The following MYH1 variants were observed in gnomAD, a reference collection of about 807,000 sequenced individuals.
MYH1 encodes the protein myosin heavy chain 1, also known as myosin-1.
MYH1 carries 214 observed loss-of-function variants against 225.6 expected under a neutral mutation model. That is an observed-to-expected ratio of 0.95 (90% confidence interval 0.85 to 1.06). The LOEUF is 1.06. Ranked by LOEUF, MYH1 falls within the 50% of genes least tolerant of loss-of-function variation. The pLI, the probability that MYH1 is intolerant of heterozygous loss-of-function variation, is 0.00. For synonymous variants in MYH1, 774 were observed against 842.3 expected, an observed-to-expected ratio of 0.92 and a Z score of 1.40; for missense variants, 2,098 against 2,344.2, an observed-to-expected ratio of 0.89 and a Z score of 2.17.
rs1567714328 is a variant in MYH1 at position 10,495,009 on chromosome 17, G to A, written c.5388C>T (p.Asp1796=). The change falls in exon 37 of 40, where the codon GAC becomes GAT. Residue 1796 remains aspartate (D), a synonymous_variant. Transcript: ENST00000226207. ...CAGCCTCATCCAGACGATGCTGCAG[G>A]TCCTTCACCGTCTGTTCCAGGTTCT... ...MKKNLEQTVK[D]LQHRLDEAEQ... 1 of 1,614,182 alleles carries A rather than the reference G, an allele frequency of 6.2e-7. No homozygotes were observed. The highest frequency in any genetic ancestry group is 2.2e-5 in the East Asian group (1 of 44,886).
chr17:10,509,799 G>T, intron 14 of MYH1, 144 bp from the exon 15 acceptor site: 1 of 1,407,346 alleles, frequency 7.1e-7, no homozygotes, highest in Non-Finnish European at 9.7e-7. Flanking sequence ...AGTTTTTGCT[G>T]CTGTTAGCAT....
intron 33 of MYH1, 54 bp downstream of exon 33, chr17:10,497,015 A>T: frequency 1.3e-6 from 2 of 1,576,642 alleles, no homozygotes; most frequent in Non-Finnish European, 1.7e-6. Flanking sequence ...CCTTACATTT[A>T]ATAGACCCCA....
At chr17:10,516,905 T>C (rs1340138250) in intron 2 of MYH1, among the ~76,000 whole-genome samples, 3 of 152,244 alleles carry the variant, frequency 2.0e-5, no homozygotes, top group Non-Finnish European at 4.4e-5. Context: ...TGTTTCTGGC[T>C]CACCTATTGC....
chr17:10,505,249 C>G lies in MYH1; in HGVS notation c.2349G>C (p.Glu783Asp), dbSNP rs544727463. 8 of 1,614,236 alleles carry G rather than the reference C, an allele frequency of 5.0e-6. No individual in the cohort carries two copies. In the East Asian group the frequency reaches 8.9e-5, roughly 18 times the overall value. ...TTCGGGTAATCAGCTGGGCCAGCTT[C>G]TCATCTCGCATCTCCTCTAGGAGCC... ...LLGLLEEMRD[E>D]KLAQLITRTQ... is the part of the protein sequence containing the mutation. The change falls in exon 21 of 40, where the codon GAG becomes GAC. Residue 783 changes from glutamate (E) to aspartate (D), a missense_variant. Transcript: ENST00000226207.
At chr17:10,511,732 T>A in intron 14 of MYH1, 107 bp downstream of exon 14, 1 of 1,558,060 alleles carries the variant, frequency 6.4e-7, no homozygotes, top group Non-Finnish European at 8.8e-7. Flanking sequence ...AAAGTGCAGC[T>A]ATTTTTCATA....
Position 10,501,177 on chromosome 17 carries a change from T to C in MYH1, c.3671A>G (p.Glu1224Gly), listed in dbSNP as rs765644845. Residue 1224 changes from glutamate (E) to glycine (G), a missense_variant, in exon 27 of 40, where the codon GAG (glutamate) becomes GGG (glycine). By Grantham distance (98) the Glu-to-Gly change is moderately conservative. Coordinates refer to ENST00000226207, the MANE Select transcript of MYH1 (RefSeq NM_005963.4). Reference sequence around the variant, plus strand: ...GATCTCCATCTTCATCTCACTCTTCTCCTTCTCCAGCTTCTGCTTCACTCG... The same window carrying C: ...GATCTCCATCTTCATCTCACTCTTCCCCTTCTCCAGCTTCTGCTTCACTCG... ...LQRVKQKLEK[E>G]KSEMKMEIDD... 5.0e-6 allele frequency: 8 copies of C among 1,614,108 alleles called. No homozygotes were observed. Among genetic ancestry groups the C allele is most frequent in the Middle Eastern group, 1.7e-4 (1 of 6,060 alleles).
chr17:10,498,839 T>A lies in MYH1; in HGVS notation c.3985-17A>T, dbSNP rs1215627866. 1.2e-6 allele frequency: 2 copies of A among 1,613,382 alleles called. No individual in the cohort carries two copies. The highest frequency in any genetic ancestry group is 1.7e-6 in the Non-Finnish European group (2 of 1,179,738). ...ACTCTTGGCCTGAGAACATAGAGAT[T>A]GATGACTTAATTTTATATATTTAAA... is the stretch of plus-strand genomic sequence containing the variant. On this transcript the variant is annotated splice_polypyrimidine_tract_variant and intron_variant, in intron 29 of 39. Transcript: ENST00000226207.
rs186198269 is a variant in MYH1 at position 10,496,203 on chromosome 17, C to A, written c.4965+38G>T. 5.5e-3 allele frequency: 8,934 copies of A among 1,614,114 alleles called. 35 individuals are homozygous for A. Among genetic ancestry groups the A allele is most frequent in the Non-Finnish European group, 6.4e-3 (7,578 of 1,180,002 alleles). ...CACCATGTATTCAGGGTTGCAGGCA[C>A]CCCAATTGTCCTGGGATCATCTGTT... is the stretch of plus-strand genomic sequence containing the variant. On this transcript the variant is annotated intron_variant, in intron 34 of 39. Transcript: ENST00000226207.
rs746702124 is a variant in MYH1 at position 10,501,362 on chromosome 17, T to G, written c.3486A>C (p.Ser1162=). The stretch of plus-strand genomic sequence containing the variant: ...GCTTCTTGTTCATCTCAATCTGGGC[T>G]GAGGTGGCCCCACCGGCTTCTTCCA... ...ERLEEAGGAT[S]AQIEMNKKRE... The change falls in exon 27 of 40, where the codon TCA becomes TCC. Residue 1162 remains serine, a synonymous_variant. Coordinates refer to ENST00000226207, the MANE Select transcript of MYH1 (RefSeq NM_005963.4). The G allele has an allele frequency of 1.2e-6, 2 of 1,614,138 alleles. No individual in the cohort carries two copies. The highest frequency in any genetic ancestry group is 2.7e-5 in the African/African-American group (2 of 75,062).
intron 6 of MYH1, 93 bp from the exon 7 acceptor site, chr17:10,514,217 C>A (rs1347158292): frequency 4.3e-6 from 6 of 1,399,072 alleles, no homozygotes; most frequent in Admixed American, 2.0e-5. Flanking sequence ...TATTAGAGAG[C>A]CTTTTACATC....
At position 10,516,568 on chromosome 17, in the gene MYH1, A is replaced by G; in HGVS notation, c.75T>C (p.Ile25=). 1.2e-6 allele frequency: 2 copies of G among 1,614,148 alleles called. No homozygotes were observed. Among genetic ancestry groups the G allele is most frequent in the South Asian group, 2.2e-5 (2 of 91,082 alleles). The stretch of plus-strand genomic sequence containing the variant: ...CATCAAAAGGCTTGTTCTGGGCTTC[A>G]ATTCGCTCCCTTTCAGACTTTCGGA... ...PFLRKSERER[I]EAQNKPFDAK... Residue 25 remains isoleucine, a synonymous_variant, in exon 3 of 40, where the codon ATT becomes ATC. Coordinates refer to ENST00000226207, the MANE Select transcript of MYH1 (RefSeq NM_005963.4).
In MYH1 at chr17:10,495,106, T is replaced by A. The variant is rs1267415921; in HGVS notation, c.5296-5A>T. The A allele has an allele frequency of 1.2e-6, 2 of 1,614,182 alleles. No individual in the cohort carries two copies. Among genetic ancestry groups the A allele is most frequent in the Non-Finnish European group, 1.7e-6 (2 of 1,180,038 alleles). On this transcript the variant is annotated splice_region_variant and splice_polypyrimidine_tract_variant and intron_variant, in intron 36 of 39. Coordinates refer to ENST00000226207, the MANE Select transcript of MYH1 (RefSeq NM_005963.4). ...CTCCTCAGCCATCATGGCAGCCTAA[T>A]TAGCAGTAAAACAGAATGGGTTAAG...
In MYH1 at chr17:10,497,343, T is replaced by C. The variant is rs1328597592; in HGVS notation, c.4475A>G (p.Tyr1492Cys). The C allele has an allele frequency of 4.3e-6, 7 of 1,613,194 alleles. No homozygotes were observed. Among genetic ancestry groups the C allele is most frequent in the Non-Finnish European group, 5.9e-6 (7 of 1,179,852 alleles). Residue 1492 changes from tyrosine (Y) to cysteine (C), a missense_variant, in exon 32 of 40, where the codon TAT becomes TGT. Tyr to Cys is a radical substitution (Grantham distance 194, BLOSUM62 -2). Transcript: ENST00000226207. ...STELFKIKNA[Y>C]EESLDQLETL... ...TTCAAGTTGGTCTAAAGATTCCTCATAAGCATTCTTAATCTTAAATAGTTC... is the reference window on the plus strand; with the variant it reads ...TTCAAGTTGGTCTAAAGATTCCTCACAAGCATTCTTAATCTTAAATAGTTC...
intron 30 of MYH1, 79 bp downstream of exon 30, chr17:10,498,547 A>T: frequency 6.3e-7 from 1 of 1,583,228 alleles, no homozygotes. Flanking sequence ...ATGGTCCCAG[A>T]ATGTTTTTTC....
rs779036939 is a variant in MYH1 at position 10,502,886 on chromosome 17, C to T, written c.2963G>A (p.Gly988Asp). The change falls in exon 24 of 40, where the codon GGT (glycine) becomes GAT (aspartate). Residue 988 changes from glycine (G) to aspartate (D), a missense_variant. Transcript: ENST00000226207. ...KVKNLTEEMA[G>D]LDETIAKLTK... ...CAGCTTAGCAATGGTTTCATCCAGA[C>T]CCGCCATCTCTTCTGTGAGGTTTTT... The T allele has an allele frequency of 6.2e-7, 1 of 1,614,058 alleles. No individual in the cohort carries two copies.
chr17:10,497,322 A>G lies in MYH1; in HGVS notation c.4496T>C (p.Leu1499Pro), dbSNP rs779064724. 2.5e-6 allele frequency: 4 copies of G among 1,609,702 alleles called. No individual in the cohort carries two copies. The Admixed American group carries it at 5.1e-5, about 20-fold the overall frequency. Residue 1499 changes from leucine to proline, a missense_variant, in exon 32 of 40, where the codon CTT (leucine) becomes CCT (proline). Coordinates refer to ENST00000226207, the MANE Select transcript of MYH1 (RefSeq NM_005963.4). Reference sequence around the variant, plus strand: ...CTTATTTTCCCGTTTCAAGGTTTCAAGTTGGTCTAAAGATTCCTCATAAGC... The same window carrying G: ...CTTATTTTCCCGTTTCAAGGTTTCAGGTTGGTCTAAAGATTCCTCATAAGC... ...KNAYEESLDQ[L>P]ETLKRENKNL...
At chr17:10,507,989 C>T in intron 16 of MYH1, 33 bp from the exon 17 acceptor site, 1 of 1,533,992 alleles carries the variant, frequency 6.5e-7, no homozygotes, top group South Asian at 1.2e-5. Flanking sequence ...CATAGGACAG[C>T]CTTTCTCTGG....
At chr17:10,495,407 A>C in intron 35 of MYH1, 90 bp from the exon 36 acceptor site, 1 of 1,443,036 alleles carries the variant, frequency 6.9e-7, no homozygotes, top group Non-Finnish European at 9.5e-7. Flanking sequence ...CTAATTAACT[A>C]AATGAATTCA....
In MYH1 at chr17:10,508,456, C is replaced by T. The variant is rs1296768683; in HGVS notation, c.1804G>A (p.Asp602Asn). 1.9e-6 allele frequency: 3 copies of T among 1,614,052 alleles called. No individual in the cohort carries two copies. Among genetic ancestry groups the T allele is most frequent in the Non-Finnish European group, 2.5e-6 (3 of 1,180,036 alleles). The change falls in exon 16 of 40, where the codon GAC becomes AAC. Residue 602 changes from aspartate to asparagine, a missense_variant. Coordinates refer to ENST00000226207, the MANE Select transcript of MYH1 (RefSeq NM_005963.4). ...NIAGWLDKNKDPLNETVVGLY... is the reference protein window; with the variant it reads ...NIAGWLDKNKNPLNETVVGLY... ...CCCACCACAGTCTCATTCAGGGGGT[C>T]CTTGTTCTTGTCAAGCCAGCCGGCA...
Sources: gnomAD v4.1 joint callset for allele counts (sites outside exome capture counted in the v4.1 genomes callset) on GRCh38, gnomAD v4.1.1 for gene constraint, MANE v1.5 for transcripts, NCBI Gene and HGNC (gene_info 2026-07-23, HGNC 2026-07-21) for gene names.